The following UNC5D variants were observed in gnomAD, a reference collection of about 807,000 sequenced individuals.
UNC5D encodes the protein unc-5 netrin receptor D.
Under a neutral mutation model 105.4 loss-of-function variants are expected in UNC5D, and 39 were observed. The ratio of observed to expected loss-of-function variants is 0.37; its 90% CI spans 0.29 to 0.48. UNC5D has a LOEUF of 0.48. Among genes scored for constraint, UNC5D ranks in the 20% least tolerant of loss-of-function variants. The pLI is 0.98. For synonymous variants in UNC5D, 452 were observed against 450.4 expected, an observed-to-expected ratio of 1.00 and a Z score of -0.04; for missense variants, 991 against 1,202.4, an observed-to-expected ratio of 0.82 and a Z score of 2.60.
intron 1 of UNC5D, among the ~76,000 whole-genome samples, chr8:35,240,183 C>G (rs914904731): frequency 6.6e-6 from 1 of 152,136 alleles, no homozygotes. Flanking sequence ...CTCCTGGGCT[C>G]AGGTGATCCT....
intron 4 of UNC5D, among the ~76,000 whole-genome samples, chr8:35,609,170 ACT>A (rs1277941724): frequency 6.6e-6 from 1 of 152,048 alleles, no homozygotes; most frequent in African/African-American, 2.4e-5. Flanking sequence ...GTGATGTTAA[ACT>A]TTTTTTCATG....
intron 8 of UNC5D, among the ~76,000 whole-genome samples, chr8:35,720,520 C>CTG (rs1426074904): frequency 6.6e-6 from 1 of 152,232 alleles, no homozygotes; most frequent in Non-Finnish European, 1.5e-5. Flanking sequence ...CTGCTGTGTT[C>CTG]TGTGTCCTCT....
chr8:35,329,306 G>T (rs999267306), intron 1 of UNC5D, among the ~76,000 whole-genome samples: 14 of 151,646 alleles, frequency 9.2e-5, no homozygotes, highest in South Asian at 4.2e-4. Flanking sequence ...CCTCTAGGAA[G>T]ATTACATATT....
intron 2 of UNC5D, among the ~76,000 whole-genome samples, chr8:35,556,881 T>G (rs1310463285): frequency 6.6e-6 from 1 of 152,202 alleles, no homozygotes; most frequent in Non-Finnish European, 1.5e-5. Flanking sequence ...AGCCTCATTT[T>G]CCTAGCCCTC....
intron 1 of UNC5D, among the ~76,000 whole-genome samples, chr8:35,381,945 T>C (rs550113305): frequency 6.6e-6 from 1 of 152,308 alleles, no homozygotes; most frequent in South Asian, 2.1e-4. Context: ...ACTTAAAAAG[T>C]GAGAAGATGT....
chr8:35,610,781 C>T (rs913762356), intron 4 of UNC5D, among the ~76,000 whole-genome samples: 1 of 152,118 alleles, frequency 6.6e-6, no homozygotes, highest in Non-Finnish European at 1.5e-5. Context: ...ATACTTGTGT[C>T]TGTATGACAG....
In UNC5D at chr8:35,790,772, A is replaced by G. The variant is rs183967988; in HGVS notation, c.*209A>G. On this transcript the variant is annotated 3_prime_UTR_variant, in exon 17 of 17. Transcript: ENST00000404895. The stretch of plus-strand genomic sequence containing the variant: ...GCTCTCTTACATATAAGAGGGCTCT[A>G]CTATCTCCTTGGAATCCACATTTGG... 1.7e-6 allele frequency: 1 copy of G among 594,054 alleles called. No homozygotes were observed. The allele number at this position is 594,054 out of a possible 1,614,324, so 36.8% of individuals were successfully genotyped here.
chr8:35,761,422 A>C (rs1801525860), intron 14 of UNC5D, among the ~76,000 whole-genome samples: 1 of 152,184 alleles, frequency 6.6e-6, no homozygotes, highest in African/African-American at 2.4e-5. Flanking sequence ...CCCAGGAAGA[A>C]GAGGCTTAGG....
chr8:35,715,997 C>T (rs73584850), intron 8 of UNC5D, among the ~76,000 whole-genome samples: 12,618 of 152,072 alleles, frequency 0.083, 1,155 homozygotes, highest in African/African-American at 0.22. Context: ...ATAATAATTA[C>T]TGAGTTGCAA....
At chr8:35,343,736 G>A (rs959063941) in intron 1 of UNC5D, among the ~76,000 whole-genome samples, 2 of 152,088 alleles carry the variant, frequency 1.3e-5, no homozygotes, top group Non-Finnish European at 2.9e-5. Flanking sequence ...CAGCCACAGG[G>A]CTTGTGGTAT....
intron 4 of UNC5D, among the ~76,000 whole-genome samples, chr8:35,677,235 T>C (rs1432949225): frequency 6.6e-6 from 1 of 152,158 alleles, no homozygotes; most frequent in Non-Finnish European, 1.5e-5. Flanking sequence ...TCACTTTTCA[T>C]TGCACTATCA....
chr8:35,350,944 G>T (rs533023045), intron 1 of UNC5D, among the ~76,000 whole-genome samples: 1 of 152,004 alleles, frequency 6.6e-6, no homozygotes, highest in Admixed American at 6.6e-5. Flanking sequence ...CATTTAATGG[G>T]AAAGGAAAGA....
intron 4 of UNC5D, 43 bp from the exon 5 acceptor site, chr8:35,683,504 C>G: frequency 2.0e-6 from 3 of 1,536,570 alleles, no homozygotes; most frequent in Non-Finnish European, 2.6e-6. Flanking sequence ...GAAAAGAGTT[C>G]TGATTTTTTT....
chr8:35,737,392 G>T (rs1283909414), intron 11 of UNC5D, among the ~76,000 whole-genome samples: 1 of 151,496 alleles, frequency 6.6e-6, no homozygotes, highest in Non-Finnish European at 1.5e-5. Context: ...CTGACTGAAG[G>T]TCACTTGAGA....
At chr8:35,391,756 C>T (rs187353991) in intron 1 of UNC5D, among the ~76,000 whole-genome samples, 1 of 152,034 alleles carries the variant, frequency 6.6e-6, no homozygotes, top group Non-Finnish European at 1.5e-5. Context: ...GGGCAAGTCT[C>T]GCAAAGTGAG....
intron 1 of UNC5D, among the ~76,000 whole-genome samples, chr8:35,386,096 C>T (rs1332338386): frequency 1.3e-5 from 2 of 152,178 alleles, no homozygotes; most frequent in Non-Finnish European, 2.9e-5. Flanking sequence ...CGCCAACATT[C>T]ATGCTTAATT....
At chr8:35,618,311 T>C (rs1821157913) in intron 4 of UNC5D, among the ~76,000 whole-genome samples, 1 of 152,238 alleles carries the variant, frequency 6.6e-6, no homozygotes, top group African/African-American at 2.4e-5. Flanking sequence ...TATTAAATGA[T>C]AATGCACATT....
At chr8:35,259,717 G>A (rs1383653807) in intron 1 of UNC5D, among the ~76,000 whole-genome samples, 2 of 151,072 alleles carry the variant, frequency 1.3e-5, no homozygotes, top group African/African-American at 2.4e-5. Flanking sequence ...CAACTTTAGC[G>A]AGAGAGAAGA....
At chr8:35,742,887 T>C (rs1829830255) in intron 11 of UNC5D, among the ~76,000 whole-genome samples, 1 of 152,190 alleles carries the variant, frequency 6.6e-6, no homozygotes, top group Non-Finnish European at 1.5e-5. Context: ...CATCACCCTG[T>C]CACCAACTGC....
Sources: allele counts gnomAD v4.1 joint callset (sites outside exome capture counted in the v4.1 genomes callset), GRCh38; gene constraint gnomAD v4.1.1; transcripts MANE v1.5; gene names NCBI Gene and HGNC (gene_info 2026-07-23, HGNC 2026-07-21).